EPHA5: variants seen among roughly 807,000 people sequenced by gnomAD.
EPHA5 encodes the protein ephrin type-A receptor 5.
In EPHA5, 60 loss-of-function variants were observed where a neutral mutation model predicts 105.0. The ratio of observed to expected loss-of-function variants is 0.57; its 90% CI spans 0.46 to 0.71. The LOEUF (loss-of-function observed/expected upper bound fraction) is 0.71, where lower values mean the gene tolerates loss of function less well. Among genes scored for constraint, EPHA5 ranks in the 30% least tolerant of loss-of-function variants. EPHA5 has a pLI of 0.00. For synonymous variants in EPHA5, 513 were observed against 449.1 expected (o/e 1.14, Z -1.80); for missense variants, 1,218 against 1,274.7 (o/e 0.96, Z 0.68).
chr4:65,488,908 CGG>C (rs1457080589), intron 5 of EPHA5, among the ~76,000 whole-genome samples: 1 of 33,216 alleles, frequency 3.0e-5, no homozygotes, highest in African/African-American at 8.1e-5. Flanking sequence ...TTTTTTGAGA[CGG>C]AGTCTCGCTC....
Position 65,560,031 on chromosome 4 carries a change from A to G in EPHA5, c.910+41610T>C, listed in dbSNP as rs145607153. Among the ~76,000 whole-genome samples the G allele has an allele frequency of 3.3e-3, 495 of 152,292 alleles. 2 individuals carry two copies. Among genetic ancestry groups the G allele is most frequent in the African/African-American group, 0.011 (452 of 41,560 alleles). On this transcript the variant is annotated intron_variant, in intron 3 of 16. Transcript: ENST00000613740. ...GGGATATATAATCTCTCATTCACAA[A>G]AAAAGGTTGGCAGTTTAGTGAGAAA...
intron 5 of EPHA5, among the ~76,000 whole-genome samples, chr4:65,466,733 A>T (rs1728758932): frequency 6.6e-6 from 1 of 152,230 alleles, no homozygotes; most frequent in African/African-American, 2.4e-5. Flanking sequence ...GAGAAAAAGC[A>T]TCAAAAGTGT....
chr4:65,453,482 A>G (rs1224465686), intron 5 of EPHA5, among the ~76,000 whole-genome samples: 1 of 152,174 alleles, frequency 6.6e-6, no homozygotes. Flanking sequence ...AATAAACAGA[A>G]ACACCTGAAA....
intron 3 of EPHA5, among the ~76,000 whole-genome samples, chr4:65,583,277 A>C (rs997611031): frequency 4.6e-5 from 7 of 151,714 alleles, no homozygotes; most frequent in African/African-American, 1.4e-4. Context: ...ATATTATTAA[A>C]GCTTTCTCTG....
Position 65,602,083 on chromosome 4 carries a change from A to G in EPHA5, c.468T>C (p.Phe156=), listed in dbSNP as rs151252926. ...TCKETFNMYY[F]ESDDQNGRNI... The stretch of plus-strand genomic sequence containing the variant: ...TTCTCCCATTCTGATCATCTGACTC[A>G]AAGTAATACATATTAAAGGTTTCCT... Residue 156 remains phenylalanine (F), a synonymous_variant, in exon 3 of 17, where the codon TTT becomes TTC. Transcript: ENST00000613740. 4 of 1,614,028 alleles carry G rather than the reference A, an allele frequency of 2.5e-6. No individual in the cohort carries two copies. The highest frequency in any genetic ancestry group is 1.6e-4 in the Middle Eastern group (1 of 6,084).
intron 3 of EPHA5, among the ~76,000 whole-genome samples, chr4:65,580,035 T>C (rs1375399468): frequency 6.6e-6 from 1 of 151,946 alleles, no homozygotes; most frequent in African/African-American, 2.4e-5. Flanking sequence ...TACAACAGAG[T>C]GCTGAGCCTG....
chr4:65,669,081 G>A (rs1750220880), intron 1 of EPHA5, among the ~76,000 whole-genome samples: 1 of 151,880 alleles, frequency 6.6e-6, no homozygotes, highest in Admixed American at 6.6e-5. Flanking sequence ...AAAGCATCCA[G>A]CCACCCCCAC....
At chr4:65,502,647 G>C (rs1010531007) in intron 3 of EPHA5, among the ~76,000 whole-genome samples, 2 of 151,886 alleles carry the variant, frequency 1.3e-5, no homozygotes, top group Non-Finnish European at 2.9e-5. Flanking sequence ...TACACTGTTG[G>C]TTGGAATGTA....
At chr4:65,639,080 G>T (rs1747412484) in intron 2 of EPHA5, among the ~76,000 whole-genome samples, 1 of 152,066 alleles carries the variant, frequency 6.6e-6, no homozygotes, top group African/African-American at 2.4e-5. Flanking sequence ...ACAAACTCTT[G>T]TAAAATTAAC....
At chr4:65,492,479 G>A (rs1157097561) in intron 4 of EPHA5, among the ~76,000 whole-genome samples, 1 of 138,336 alleles carries the variant, frequency 7.2e-6, no homozygotes, top group African/African-American at 2.7e-5. Flanking sequence ...TGAGATTACA[G>A]ACGTGAGCCA....
At chr4:65,627,851 T>C (rs1448464175) in intron 2 of EPHA5, among the ~76,000 whole-genome samples, 1 of 152,146 alleles carries the variant, frequency 6.6e-6, no homozygotes, top group Non-Finnish European at 1.5e-5. Context: ...AATATCTTTG[T>C]GCATGTTATA....
intron 11 of EPHA5, among the ~76,000 whole-genome samples, chr4:65,363,298 A>G (rs566243658): frequency 1.2e-4 from 18 of 151,698 alleles, no homozygotes; most frequent in Non-Finnish European, 2.4e-4. Flanking sequence ...CTTCACAATA[A>G]TGCTATAAGG....
chr4:65,569,094 T>C (rs1339356825), intron 3 of EPHA5, among the ~76,000 whole-genome samples: 1 of 151,468 alleles, frequency 6.6e-6, no homozygotes, highest in African/African-American at 2.4e-5. Flanking sequence ...AAATTATATA[T>C]TTCAAGTATC....
At chr4:65,376,383 A>C (rs1435159703) in intron 8 of EPHA5, among the ~76,000 whole-genome samples, 2 of 152,084 alleles carry the variant, frequency 1.3e-5, no homozygotes, top group Non-Finnish European at 2.9e-5. Context: ...TAGGATTTGT[A>C]TTTATAAATA....
rs140430428 is a variant in EPHA5 at position 65,602,266 on chromosome 4, A to G, written c.285T>C (p.Pro95=). The change falls in exon 3 of 17, where the codon CCT becomes CCC. Residue 95 remains proline (P), a synonymous_variant. Coordinates refer to ENST00000613740, the MANE Select transcript of EPHA5 (RefSeq NM_001281766.3). ...EIGEVDENYA[P]IHTYQVCKVM... ...CTTTGCATACTTGGTATGTGTGGAT[A>G]GGGGCATAATTTTCATCCACTTCAC... 3,280 of 1,607,388 alleles carry G rather than the reference A, an allele frequency of 2.0e-3. 4 individuals are homozygous for G. Among genetic ancestry groups the G allele is most frequent in the Non-Finnish European group, 2.6e-3 (3,080 of 1,178,244 alleles).
chr4:65,521,405 A>C (rs937108637), intron 3 of EPHA5, among the ~76,000 whole-genome samples: 2 of 152,088 alleles, frequency 1.3e-5, no homozygotes, highest in African/African-American at 4.8e-5. Flanking sequence ...GGATAGCATT[A>C]GGAAATATAC....
At chr4:65,570,666 A>C (rs2149374457) in intron 3 of EPHA5, among the ~76,000 whole-genome samples, 1 of 152,086 alleles carries the variant, frequency 6.6e-6, no homozygotes, top group Non-Finnish European at 1.5e-5. Context: ...GTGGAAGTAT[A>C]GCTATGTATA....
intron 3 of EPHA5, among the ~76,000 whole-genome samples, chr4:65,601,137 T>C (rs1209873185): frequency 8.5e-5 from 13 of 152,164 alleles, no homozygotes; most frequent in Admixed American, 8.5e-4. Flanking sequence ...ACTAATCCTG[T>C]CAGTTTACAA....
chr4:65,450,206 T>C (rs1726940148), intron 5 of EPHA5, among the ~76,000 whole-genome samples: 1 of 152,228 alleles, frequency 6.6e-6, no homozygotes, highest in Non-Finnish European at 1.5e-5. Context: ...ATGGAGAGAT[T>C]GTGAGAGAGA....
Sources: gnomAD v4.1 joint callset for allele counts (sites outside exome capture counted in the v4.1 genomes callset) on GRCh38, gnomAD v4.1.1 for gene constraint, MANE v1.5 for transcripts, NCBI Gene and HGNC (gene_info 2026-07-23, HGNC 2026-07-21) for gene names.